The following ELP4 variants were observed in gnomAD, a reference collection of about 807,000 sequenced individuals.
ELP4 encodes elongator acetyltransferase complex subunit 4.
ELP4 carries 51 observed loss-of-function variants against 48.9 expected under a neutral mutation model. That is an observed-to-expected ratio of 1.04 (90% CI 0.83 to 1.32). The LOEUF is 1.32. Among genes scored for constraint, ELP4 ranks in the 40% most tolerant of loss-of-function variants. The pLI is 0.00. For missense variants in ELP4, 519 were observed against 514.6 expected, an observed-to-expected ratio of 1.01 and a Z score of -0.08; for synonymous variants, 210 against 189.2, an observed-to-expected ratio of 1.11 and a Z score of -0.90.
intron 9 of ELP4, among the ~76,000 whole-genome samples, chr11:31,781,369 A>G (rs1477750699): frequency 1.3e-5 from 2 of 152,068 alleles, no homozygotes; most frequent in Admixed American, 1.3e-4. Context: ...AAACTCAGAC[A>G]TAAAATTAAA....
chr11:31,750,155 C>T (rs146677352), intron 9 of ELP4, among the ~76,000 whole-genome samples: 125 of 152,224 alleles, frequency 8.2e-4, no homozygotes, highest in African/African-American at 2.9e-3. Flanking sequence ...TGAGCCACCA[C>T]GCCCGGCCAA....
At chr11:31,748,666 G>T (rs1471218724) in intron 9 of ELP4, among the ~76,000 whole-genome samples, 3 of 152,072 alleles carry the variant, frequency 2.0e-5, no homozygotes, top group Non-Finnish European at 4.4e-5. Flanking sequence ...CCTTAAGTGA[G>T]CTTACATTAT....
intron 9 of ELP4, among the ~76,000 whole-genome samples, chr11:31,665,531 AT>A (rs1248718145): frequency 2.6e-5 from 4 of 152,040 alleles, no homozygotes; most frequent in African/African-American, 9.7e-5. Flanking sequence ...TTTCTAAAAT[AT>A]TATATTATTG....
chr11:31,617,115 A>G (rs553978561), intron 5 of ELP4, among the ~76,000 whole-genome samples: 1 of 152,256 alleles, frequency 6.6e-6, no homozygotes, highest in East Asian at 1.9e-4. Context: ...TTGGACACCC[A>G]TGTTCATAGC....
intron 9 of ELP4, among the ~76,000 whole-genome samples, chr11:31,733,578 T>C (rs1409871255): frequency 2.0e-5 from 3 of 151,422 alleles, no homozygotes; most frequent in Admixed American, 6.6e-5. Context: ...TTGTGAACAA[T>C]TATAAGTCAA....
intron 9 of ELP4, among the ~76,000 whole-genome samples, chr11:31,658,597 G>A (rs1485577950): frequency 2.0e-5 from 3 of 151,812 alleles, no homozygotes; most frequent in East Asian, 1.9e-4. Context: ...CAGTCTAAAA[G>A]TGTGCCAAAT....
chr11:31,775,560 C>T (rs1447598737), intron 9 of ELP4, among the ~76,000 whole-genome samples: 9 of 152,112 alleles, frequency 5.9e-5, no homozygotes, highest in Non-Finnish European at 8.8e-5. Context: ...GCAGGATGGA[C>T]GTGGTAACTG....
intron 9 of ELP4, among the ~76,000 whole-genome samples, chr11:31,682,227 A>C (rs545320363): frequency 6.6e-6 from 1 of 152,324 alleles, no homozygotes; most frequent in South Asian, 2.1e-4. Flanking sequence ...CAGGATCTGA[A>C]TGATGAAAGA....
intron 9 of ELP4, among the ~76,000 whole-genome samples, chr11:31,661,333 A>G (rs1246783881): frequency 6.6e-6 from 1 of 152,100 alleles, no homozygotes; most frequent in Non-Finnish European, 1.5e-5. Flanking sequence ...CCAAAGGCCA[A>G]TCATGAAGTA....
chr11:31,544,784 G>A (rs1272062705), intron 3 of ELP4, among the ~76,000 whole-genome samples: 18 of 152,110 alleles, frequency 1.2e-4, no homozygotes, highest in Admixed American at 3.9e-4. Context: ...TCACACGGCC[G>A]GGTACTCCTC....
rs753917936 is a variant in ELP4, at chr11:31,539,745, G to T, written c.343G>T (p.Val115Phe). 248 of 1,611,258 alleles carry T rather than the reference G, an allele frequency of 1.5e-4. No homozygotes were observed. Among genetic ancestry groups the T allele is most frequent in the Non-Finnish European group, 2.0e-4 (240 of 1,178,798 alleles). The change falls in exon 3 of 10, where the codon GTT (valine) becomes TTT (phenylalanine). Residue 115 changes from valine to phenylalanine, a missense_variant. Physicochemically the swap from Val to Phe is conservative, Grantham distance 50. Coordinates refer to ENST00000640961, the MANE Select transcript of ELP4 (RefSeq NM_019040.5). ...EGIVNGHTLL[V>F]ASAKEDPANI... ...AATTGTCAATGGGCATACTTTGTTG[G>T]TTGCATCTGCTAAAGAGGATCCTGC...
At chr11:31,657,352 A>G (rs894227134) in intron 9 of ELP4, among the ~76,000 whole-genome samples, 1 of 151,936 alleles carries the variant, frequency 6.6e-6, no homozygotes, top group Non-Finnish European at 1.5e-5. Context: ...TGAGTTACTC[A>G]CCCTCATGTA....
chr11:31,596,642 T>C (rs1957675446), intron 4 of ELP4, among the ~76,000 whole-genome samples: 2 of 152,206 alleles, frequency 1.3e-5, no homozygotes, highest in Admixed American at 1.3e-4. Flanking sequence ...TTATAATAGA[T>C]GCATATTAAG....
intron 9 of ELP4, among the ~76,000 whole-genome samples, chr11:31,746,341 G>A (rs59245906): frequency 0.02 from 2,983 of 152,216 alleles, 93 homozygotes; most frequent in African/African-American, 0.068. Flanking sequence ...GATTCCTCAC[G>A]GATCTAGAAC....
intron 4 of ELP4, among the ~76,000 whole-genome samples, chr11:31,602,647 TA>T (rs1461085348): frequency 6.6e-6 from 1 of 152,014 alleles, no homozygotes; most frequent in Non-Finnish European, 1.5e-5. Context: ...GGTAGGCATT[TA>T]GTTTAAGAAT....
At chr11:31,710,069 G>C (rs6484532) in intron 9 of ELP4, among the ~76,000 whole-genome samples, 141,996 of 152,196 alleles carry the variant, frequency 0.93, 66,793 homozygotes, top group South Asian at 1. Context: ...CCTTTTTATA[G>C]TGGGGCCATA....
intron 9 of ELP4, chr11:31,652,973 C>T (rs969115885): frequency 1.6e-4 from 24 of 151,490 alleles, no homozygotes; most frequent in African/African-American, 5.8e-4. Context: ...AACTGATTAT[C>T]TTTTTACTAG....
intron 3 of ELP4, among the ~76,000 whole-genome samples, chr11:31,593,783 G>A (rs1184252784): frequency 6.6e-6 from 1 of 152,084 alleles, no homozygotes; most frequent in Non-Finnish European, 1.5e-5. Context: ...TAGGAATGAT[G>A]GATTCACAGC....
chr11:31,724,388 A>G (rs564694691), intron 9 of ELP4, among the ~76,000 whole-genome samples: 1 of 152,370 alleles, frequency 6.6e-6, no homozygotes, highest in South Asian at 2.1e-4. Flanking sequence ...TAATTATGAA[A>G]TCACTGTTTT....
Sources: allele counts gnomAD v4.1 joint callset (sites outside exome capture counted in the v4.1 genomes callset), GRCh38; gene constraint gnomAD v4.1.1; transcripts MANE v1.5; gene names NCBI Gene and HGNC (gene_info 2026-07-23, HGNC 2026-07-21).